Variants in EBF2 observed in about 807,000 individuals in gnomAD.
EBF2 encodes the protein EBF transcription factor 2.
EBF2 carries 21 observed loss-of-function variants against 72.8 expected under a neutral mutation model. The ratio of observed to expected loss-of-function variants is 0.29; its 90% confidence interval spans 0.20 to 0.42. The LOEUF (loss-of-function observed/expected upper bound fraction) is 0.42. Among genes scored for constraint, EBF2 ranks in the 10% least tolerant of loss-of-function variants. The pLI, the probability that EBF2 is intolerant of heterozygous loss-of-function variation, is 1.00. For synonymous variants in EBF2, 299 were observed against 274.2 expected, an observed-to-expected ratio of 1.09 and a Z score of -0.89; for missense variants, 637 against 731.2, an observed-to-expected ratio of 0.87 and a Z score of 1.49.
chr8:26,037,159 AAAAAT>A (rs1380989677), intron 5 of EBF2, among the ~76,000 whole-genome samples: 1 of 152,230 alleles, frequency 6.6e-6, no homozygotes. Flanking sequence ...AGGAGAGAGA[AAAAAT>A]AAAACAAGTT....
At chr8:25,880,872 C>T (rs1280345515) in intron 10 of EBF2, among the ~76,000 whole-genome samples, 2 of 152,184 alleles carry the variant, frequency 1.3e-5, no homozygotes, top group African/African-American at 4.8e-5. Context: ...TCTGAACTCC[C>T]TTAGCACGTT....
intron 6 of EBF2, among the ~76,000 whole-genome samples, chr8:26,005,717 G>A (rs1804868930): frequency 6.7e-6 from 1 of 148,296 alleles, no homozygotes; most frequent in African/African-American, 2.5e-5. Flanking sequence ...TGCAGTCCCA[G>A]CTGTTTGGGA....
chr8:26,022,063 C>T (rs760128337), intron 6 of EBF2, among the ~76,000 whole-genome samples: 10 of 152,190 alleles, frequency 6.6e-5, no homozygotes, highest in Non-Finnish European at 1.3e-4. Flanking sequence ...GTAATGAATC[C>T]TCAGACCTTC....
chr8:25,853,694 C>T (rs912832212), intron 14 of EBF2, among the ~76,000 whole-genome samples: 17 of 151,848 alleles, frequency 1.1e-4, no homozygotes, highest in African/African-American at 3.6e-4. Context: ...GGTTCAAGGG[C>T]ATTTTTATAA....
intron 13 of EBF2, 106 bp from the exon 14 acceptor site, chr8:25,858,610 C>T: frequency 2.1e-6 from 2 of 971,036 alleles, no homozygotes; most frequent in Non-Finnish European, 3.0e-6. Context: ...ATGTCACCAG[C>T]TGCCCCGGGC....
rs768836801 is a variant in EBF2, at chr8:25,908,453, A to G, written c.633+21T>C. On this transcript the variant is annotated intron_variant, in intron 7 of 15. Transcript: ENST00000520164. Reference sequence around the variant, plus strand: ...AAACAGGATGACTTATTTAACAGGAAAGATCTGCAGGGCCCCTTACCTGAA... The same window carrying G: ...AAACAGGATGACTTATTTAACAGGAGAGATCTGCAGGGCCCCTTACCTGAA... The G allele has an allele frequency of 1.9e-6, 3 of 1,567,020 alleles. No individual in the cohort carries two copies. In the East Asian group the frequency reaches 6.7e-5, roughly 35 times the overall value.
intron 5 of EBF2, among the ~76,000 whole-genome samples, chr8:26,036,412 A>G (rs1805501441): frequency 6.6e-6 from 1 of 152,216 alleles, no homozygotes; most frequent in African/African-American, 2.4e-5. Context: ...CACAAAACAT[A>G]CATAGAACAC....
At chr8:25,880,889 T>TA (rs563228239) in intron 10 of EBF2, among the ~76,000 whole-genome samples, 32 of 151,662 alleles carry the variant, frequency 2.1e-4, no homozygotes, top group South Asian at 6.2e-4. Flanking sequence ...CGTTATATCT[T>TA]AAAAAAAAAT....
intron 6 of EBF2, among the ~76,000 whole-genome samples, chr8:25,916,719 G>A (rs1295465665): frequency 6.6e-6 from 1 of 152,080 alleles, no homozygotes; most frequent in Non-Finnish European, 1.5e-5. Flanking sequence ...ACAAAAAATG[G>A]TCGATGGGAG....
chr8:26,015,369 A>G (rs556645395), intron 6 of EBF2, among the ~76,000 whole-genome samples: 3 of 152,348 alleles, frequency 2.0e-5, no homozygotes, highest in African/African-American at 4.8e-5. Context: ...CTTCCCTGCC[A>G]CAAGGGCATG....
intron 6 of EBF2, among the ~76,000 whole-genome samples, chr8:25,941,792 A>G (rs1803677633): frequency 6.6e-6 from 1 of 152,118 alleles, no homozygotes; most frequent in Non-Finnish European, 1.5e-5. Flanking sequence ...CTCCCCTGCT[A>G]TATAAAACCT....
chr8:25,871,224 C>T (rs746146062), intron 10 of EBF2, among the ~76,000 whole-genome samples: 1 of 152,098 alleles, frequency 6.6e-6, no homozygotes, highest in Non-Finnish European at 1.5e-5. Context: ...ATGAGCCAAG[C>T]AAAGCTCAAT....
At chr8:26,001,423 C>A (rs1206272008) in intron 6 of EBF2, among the ~76,000 whole-genome samples, 1 of 152,210 alleles carries the variant, frequency 6.6e-6, no homozygotes, top group African/African-American at 2.4e-5. Flanking sequence ...CAGATATCTA[C>A]ATATTTGCCA....
chr8:25,861,300 G>A lies in EBF2; in HGVS notation c.1164+9C>T. On this transcript the variant is annotated intron_variant, in intron 12 of 15. Coordinates refer to ENST00000520164, the MANE Select transcript of EBF2 (RefSeq NM_022659.4). Reference sequence around the variant, plus strand: ...AAACTCAATAAAGGATAGGATGTCAGTATCTCACCTGGTTATTGTGTGGTG... The same window carrying A: ...AAACTCAATAAAGGATAGGATGTCAATATCTCACCTGGTTATTGTGTGGTG... 1 of 1,614,184 alleles carries A rather than the reference G, an allele frequency of 6.2e-7. No homozygotes were observed. Among genetic ancestry groups the A allele is most frequent in the Non-Finnish European group, 8.5e-7 (1 of 1,180,028 alleles).
chr8:25,858,030 T>C, intron 14 of EBF2: 1 of 553,682 alleles, frequency 1.8e-6, no homozygotes, highest in South Asian at 1.6e-5. Flanking sequence ...TTAACAGAAA[T>C]GGAATCTTAA....
intron 6 of EBF2, among the ~76,000 whole-genome samples, chr8:25,987,054 A>G (rs7001625): frequency 0.43 from 64,703 of 151,866 alleles, 14,058 homozygotes; most frequent in Middle Eastern, 0.51. Flanking sequence ...GAATTAAAAA[A>G]AAAAACTGAT....
intron 6 of EBF2, among the ~76,000 whole-genome samples, chr8:25,987,124 G>A (rs1357558756): frequency 6.6e-6 from 1 of 152,178 alleles, no homozygotes; most frequent in Admixed American, 6.5e-5. Context: ...GCAGAGGTGA[G>A]GGTAAGGACA....
intron 6 of EBF2, among the ~76,000 whole-genome samples, chr8:25,956,934 G>A (rs145031284): frequency 1.2e-3 from 179 of 152,286 alleles, no homozygotes; most frequent in African/African-American, 3.7e-3. Flanking sequence ...AGGAAACACC[G>A]CTCATCTAGG....
intron 10 of EBF2, among the ~76,000 whole-genome samples, chr8:25,875,054 C>T (rs1159435837): frequency 1.3e-5 from 2 of 152,032 alleles, no homozygotes; most frequent in African/African-American, 4.8e-5. Context: ...TTCTTGGGCT[C>T]CCTTGGCCTT....
Sources: gnomAD v4.1 joint callset for allele counts (sites outside exome capture counted in the v4.1 genomes callset) on GRCh38, gnomAD v4.1.1 for gene constraint, MANE v1.5 for transcripts, NCBI Gene and HGNC (gene_info 2026-07-23, HGNC 2026-07-21) for gene names.